GRM5: variants seen among roughly 807,000 people sequenced by gnomAD.
GRM5 encodes the protein glutamate metabotropic receptor 5.
Under a neutral mutation model 83.1 loss-of-function variants are expected in GRM5, and 19 were observed. That is an observed-to-expected ratio of 0.23 (90% confidence interval 0.16 to 0.34). The LOEUF (loss-of-function observed/expected upper bound fraction) is 0.34. GRM5 is among the 10% of genes least tolerant of loss of function. The probability of loss-of-function intolerance (pLI) is 1.00; values close to 1 mark genes in which losing one functional copy is unlikely to be tolerated. For synonymous variants in GRM5, 675 were observed against 633.6 expected, an observed-to-expected ratio of 1.07 and a Z score of -0.98; for missense variants, 1,160 against 1,588.3, an observed-to-expected ratio of 0.73 and a Z score of 4.58.
rs373353123 is a variant in GRM5 at position 89,046,132 on chromosome 11, A to G, written c.661+1080T>C. The stretch of plus-strand genomic sequence containing the variant: ...GTGATATAGAAAACAAAGGGCTATC[A>G]TTCACAGGACGGTCAGAGAGCCTTG... On this transcript the variant is annotated intron_variant, in intron 2 of 9. Coordinates refer to ENST00000305447, the MANE Select transcript of GRM5 (RefSeq NM_001143831.3). Among the ~76,000 whole-genome samples, 59 of 152,320 alleles carry G rather than the reference A, an allele frequency of 3.9e-4. No individual in the cohort carries two copies. The East Asian group carries it at 8.1e-3, about 21-fold the overall frequency.
chr11:88,617,133 T>C (rs1043151321), intron 4 of GRM5, among the ~76,000 whole-genome samples: 3 of 152,148 alleles, frequency 2.0e-5, no homozygotes, highest in Non-Finnish European at 2.9e-5. Flanking sequence ...AAACTAAACA[T>C]AGCAATGCCA....
chr11:89,002,996 A>ATT (rs143535327), intron 2 of GRM5, among the ~76,000 whole-genome samples: 10 of 151,762 alleles, frequency 6.6e-5, no homozygotes, highest in South Asian at 6.2e-4. Flanking sequence ...CCTTTATAGG[A>ATT]TTTTTTTTGT....
intron 2 of GRM5, among the ~76,000 whole-genome samples, chr11:88,991,195 C>T (rs1470200021): frequency 6.6e-6 from 1 of 152,066 alleles, no homozygotes; most frequent in Non-Finnish European, 1.5e-5. Context: ...GTACAAAAAT[C>T]ACAAGCATTC....
At chr11:88,718,584 G>GAGAT (rs778809801) in intron 3 of GRM5, among the ~76,000 whole-genome samples, 1 of 152,016 alleles carries the variant, frequency 6.6e-6, no homozygotes, top group South Asian at 2.1e-4. Context: ...CAGAAAAGTT[G>GAGAT]AGATATTATT....
chr11:88,808,788 C>G (rs533773972), intron 3 of GRM5, among the ~76,000 whole-genome samples: 2 of 152,134 alleles, frequency 1.3e-5, no homozygotes, highest in East Asian at 3.9e-4. Context: ...TCTCTGAATT[C>G]TGCTCGTTCC....
chr11:88,913,652 T>A (rs1010019086), intron 2 of GRM5, among the ~76,000 whole-genome samples: 12 of 147,098 alleles, frequency 8.2e-5, no homozygotes, highest in Non-Finnish European at 3.0e-5. Flanking sequence ...AGTGGCACAG[T>A]CTCGGCTCAC....
chr11:89,063,166 C>A (rs1046542463), intron 1 of GRM5, among the ~76,000 whole-genome samples: 1 of 152,238 alleles, frequency 6.6e-6, no homozygotes, highest in African/African-American at 2.4e-5. Context: ...TTTGTGGGAG[C>A]ACACTCTGCA....
intron 2 of GRM5, among the ~76,000 whole-genome samples, chr11:88,923,462 C>T (rs514486): frequency 0.96 from 145,789 of 152,208 alleles, 69,906 homozygotes; most frequent in East Asian, 0.99. Flanking sequence ...AAGACAAACT[C>T]ATGTTCTCAC....
At chr11:88,512,392 T>TC (rs1201759765) in intron 9 of GRM5, 1 of 154,306 alleles carries the variant, frequency 6.5e-6, no homozygotes, top group Non-Finnish European at 1.5e-5. Context: ...AGCTTTTTTT[T>TC]CCCTGAAGTA....
At chr11:88,560,659 G>A (rs913621280) in intron 8 of GRM5, among the ~76,000 whole-genome samples, 1 of 152,156 alleles carries the variant, frequency 6.6e-6, no homozygotes, top group African/African-American at 2.4e-5. Flanking sequence ...TCCATGAGGT[G>A]CTGCCCAACA....
At chr11:88,878,739 G>T (rs951336872) in intron 2 of GRM5, among the ~76,000 whole-genome samples, 1 of 152,192 alleles carries the variant, frequency 6.6e-6, no homozygotes, top group African/African-American at 2.4e-5. Flanking sequence ...CCATACAATG[G>T]AATACTCATC....
At chr11:88,807,159 A>G (rs912265360) in intron 3 of GRM5, among the ~76,000 whole-genome samples, 1 of 152,140 alleles carries the variant, frequency 6.6e-6, no homozygotes, top group African/African-American at 2.4e-5. Context: ...TCTGCCATAA[A>G]CCTTGACATA....
intron 4 of GRM5, among the ~76,000 whole-genome samples, chr11:88,634,673 T>C (rs1939071075): frequency 6.6e-6 from 1 of 152,196 alleles, no homozygotes; most frequent in Admixed American, 6.5e-5. Context: ...CCTGAGGATG[T>C]TTTACAGTTG....
intron 2 of GRM5, among the ~76,000 whole-genome samples, chr11:88,973,528 A>G (rs549739939): frequency 2.7e-3 from 415 of 152,226 alleles, no homozygotes; most frequent in South Asian, 6.6e-3. Context: ...TTGGGTTAAT[A>G]TGGAGGCAAG....
At chr11:88,819,798 A>G (rs1174769136) in intron 3 of GRM5, among the ~76,000 whole-genome samples, 2 of 152,182 alleles carry the variant, frequency 1.3e-5, no homozygotes, top group African/African-American at 2.4e-5. Flanking sequence ...CCAAGGTTCA[A>G]GGACCCATAT....
intron 3 of GRM5, among the ~76,000 whole-genome samples, chr11:88,780,439 C>T (rs1324879082): frequency 1.3e-5 from 2 of 152,252 alleles, no homozygotes; most frequent in East Asian, 3.9e-4. Context: ...TAAGGCTGAT[C>T]AAGCTGCCGT....
intron 3 of GRM5, among the ~76,000 whole-genome samples, chr11:88,719,051 T>TATCA (rs1385153008): frequency 6.6e-6 from 1 of 151,710 alleles, no homozygotes; most frequent in African/African-American, 2.4e-5. Flanking sequence ...TAACATTTAT[T>TATCA]ATCATCTGAC....
chr11:88,623,439 T>C (rs1223278735), intron 4 of GRM5, among the ~76,000 whole-genome samples: 2 of 152,100 alleles, frequency 1.3e-5, no homozygotes, highest in African/African-American at 2.4e-5. Flanking sequence ...CAGAGACCAC[T>C]TATATTGTCC....
At chr11:88,859,568 G>C (rs1266627475) in intron 2 of GRM5, among the ~76,000 whole-genome samples, 3 of 152,144 alleles carry the variant, frequency 2.0e-5, no homozygotes, top group Non-Finnish European at 4.4e-5. Flanking sequence ...AGGTGTTGAT[G>C]CTGAAACAAT....
Sources: allele counts gnomAD v4.1 joint callset (sites outside exome capture counted in the v4.1 genomes callset), GRCh38; gene constraint gnomAD v4.1.1; transcripts MANE v1.5; gene names NCBI Gene and HGNC (gene_info 2026-07-23, HGNC 2026-07-21).